Variants in ZNF675 observed in about 807,000 individuals in gnomAD.
ZNF675 encodes the protein zinc finger protein 675, also known as TRAF6 inhibitory zinc finger.
In ZNF675, 36 loss-of-function variants were observed where a neutral mutation model predicts 56.1. That is an observed-to-expected ratio of 0.64 (90% CI 0.49 to 0.85). The LOEUF is 0.85. ZNF675 is among the 40% of genes least tolerant of loss of function. The pLI is 0.00. For synonymous variants in ZNF675, 200 were observed against 218.9 expected (o/e 0.91, Z 0.76); for missense variants, 663 against 654.2 (o/e 1.01, Z -0.15).
Position 23,682,186 on chromosome 19 carries a change from C to T in ZNF675, c.3+4845G>A, listed in dbSNP as rs140348861. 8.8e-3 allele frequency among the ~76,000 whole-genome samples: 1,340 copies of T among 151,880 alleles called. 8 individuals carry two copies. Among genetic ancestry groups the T allele is most frequent in the Middle Eastern group, 0.034 (10 of 294 alleles). ...AACTTTGAGCTACACTCAGTCTGAGCCAACATACAACCCCATTTTATGTTC... is the reference window on the plus strand; with the variant it reads ...AACTTTGAGCTACACTCAGTCTGAGTCAACATACAACCCCATTTTATGTTC... On this transcript the variant is annotated intron_variant, in intron 1 of 3. Coordinates refer to ENST00000359788, the MANE Select transcript of ZNF675 (RefSeq NM_138330.3).
At position 23,653,786 on chromosome 19, in the gene ZNF675, G is replaced by A; in HGVS notation, c.1147C>T (p.Leu383Phe). The change falls in exon 4 of 4, where the codon CTT (leucine) becomes TTT (phenylalanine). Residue 383 changes from leucine (L) to phenylalanine (F), a missense_variant. Coordinates refer to ENST00000359788, the MANE Select transcript of ZNF675 (RefSeq NM_138330.3). The stretch of plus-strand genomic sequence containing the variant: ...GTATGAATTTTCCTATGTTCCGTAA[G>A]ATTTGAGGATCGGTTAAAAGCTTTG... ...CGKAFNRSSN[L>F]TEHRKIHTEE... is the part of the protein sequence containing the mutation. 2 of 1,613,878 alleles carry A rather than the reference G, an allele frequency of 1.2e-6. No homozygotes were observed. Among genetic ancestry groups the A allele is most frequent in the Non-Finnish European group, 1.7e-6 (2 of 1,179,946 alleles).
intron 3 of ZNF675, chr19:23,657,110 A>AT (rs1452389155): frequency 6.6e-6 from 1 of 151,974 alleles, no homozygotes; most frequent in East Asian, 1.9e-4. Flanking sequence ...ATTTTTAAAA[A>AT]TTTTTTGTAG....
Position 23,653,722 on chromosome 19 carries a change from G to A in ZNF675, c.1211C>T (p.Ala404Val), listed in dbSNP as rs763855760. The part of the protein sequence containing the change: ...KPYKCKECGK[A>V]FKHSSALTTH... ...AGTAAGGGCTGAGGAGTGTTTAAAA[G>A]CTTTGCCACATTCTTTACATTTGTA... The change falls in exon 4 of 4, where the codon GCT becomes GTT. Residue 404 changes from alanine to valine, a missense_variant. Ala to Val is a moderately conservative substitution (Grantham distance 64). Coordinates refer to ENST00000359788, the MANE Select transcript of ZNF675 (RefSeq NM_138330.3). 2 of 1,613,798 alleles carry A rather than the reference G, an allele frequency of 1.2e-6. No individual in the cohort carries two copies. Among genetic ancestry groups the A allele is most frequent in the Admixed American group, 3.3e-5 (2 of 59,996 alleles).
At chr19:23,660,695 C>T (rs919548605) in intron 3 of ZNF675, among the ~76,000 whole-genome samples, 1 of 151,984 alleles carries the variant, frequency 6.6e-6, no homozygotes, top group Non-Finnish European at 1.5e-5. Flanking sequence ...TTAGAAAAGA[C>T]ATAAATAAAC....
chr19:23,687,188 C>G lies in ZNF675; in HGVS notation c.-155G>C. 1 of 887,824 alleles carries G rather than the reference C, an allele frequency of 1.1e-6. No individual in the cohort carries two copies. The highest frequency in any genetic ancestry group is 1.5e-5 in the South Asian group (1 of 68,278). The allele number at this position is 887,824 out of a possible 1,614,324, so 55.0% of individuals were successfully genotyped here. On this transcript the variant is annotated 5_prime_UTR_variant, in exon 1 of 4. Coordinates refer to ENST00000359788, the MANE Select transcript of ZNF675 (RefSeq NM_138330.3). ...GCTGCAGCGAGAGACAAAGGCGCCG[C>G]CAAATCCCGGAAGCCATCTTGTCTG... is the stretch of plus-strand genomic sequence containing the variant.
chr19:23,678,470 C>G (rs572782290), intron 1 of ZNF675, among the ~76,000 whole-genome samples: 1 of 148,282 alleles, frequency 6.7e-6, no homozygotes, highest in African/African-American at 2.6e-5. Flanking sequence ...AGGCTGGTCT[C>G]GAACCCCTGA....
At chr19:23,685,292 G>C (rs948395043) in intron 1 of ZNF675, among the ~76,000 whole-genome samples, 2 of 152,202 alleles carry the variant, frequency 1.3e-5, no homozygotes, top group Admixed American at 1.3e-4. Context: ...AAGAGCGCAG[G>C]GGAGAGTCCT....
At chr19:23,656,641 C>G (rs970793129) in intron 3 of ZNF675, 1 of 152,046 alleles carries the variant, frequency 6.6e-6, no homozygotes, top group Non-Finnish European at 1.5e-5. Flanking sequence ...CACACACACA[C>G]ACACACACAC....
intron 3 of ZNF675, 56 bp downstream of exon 3, chr19:23,662,058 G>A (rs922334903): frequency 7.8e-7 from 1 of 1,273,926 alleles, no homozygotes; most frequent in African/African-American, 1.5e-5. Flanking sequence ...CTTTCTCTTT[G>A]ACCTTTGGAC....
intron 1 of ZNF675, among the ~76,000 whole-genome samples, chr19:23,684,912 T>C (rs1287435717): frequency 6.6e-6 from 1 of 152,228 alleles, no homozygotes; most frequent in Admixed American, 6.5e-5. Flanking sequence ...TCTGTGTTTT[T>C]CCCTCAATAC....
intron 1 of ZNF675, among the ~76,000 whole-genome samples, chr19:23,677,390 T>G (rs1477182604): frequency 6.6e-6 from 1 of 151,504 alleles, no homozygotes; most frequent in East Asian, 1.9e-4. Context: ...ATCAACCATA[T>G]CCAAAGCAAA....
chr19:23,685,183 GC>G (rs1663731201), intron 1 of ZNF675, among the ~76,000 whole-genome samples: 1 of 151,976 alleles, frequency 6.6e-6, no homozygotes, highest in Non-Finnish European at 1.5e-5. Context: ...CAGGCTGGTC[GC>G]GAACTCCTGA....
At chr19:23,666,766 TTC>T (rs377116111) in intron 1 of ZNF675, among the ~76,000 whole-genome samples, 2 of 99,316 alleles carry the variant, frequency 2.0e-5, no homozygotes, top group African/African-American at 6.1e-5. Flanking sequence ...AGGGAAGTCT[TTC>T]TCTCTTTTTC....
intron 1 of ZNF675, among the ~76,000 whole-genome samples, chr19:23,668,643 T>C (rs1452411848): frequency 6.6e-6 from 1 of 152,212 alleles, no homozygotes; most frequent in Non-Finnish European, 1.5e-5. Flanking sequence ...GACTCAGGCA[T>C]GGCAGACTGC....
chr19:23,664,076 G>T (rs1480339129), intron 1 of ZNF675, among the ~76,000 whole-genome samples: 5 of 152,100 alleles, frequency 3.3e-5, no homozygotes, highest in Non-Finnish European at 5.9e-5. Flanking sequence ...GTTTTTATAA[G>T]TAGTTAAAAC....
intron 3 of ZNF675, 46 bp from the exon 4 acceptor site, chr19:23,654,752 T>C (rs1204205729): frequency 2.1e-6 from 3 of 1,430,022 alleles, no homozygotes; most frequent in Non-Finnish European, 2.8e-6. Flanking sequence ...CTCAGATAAA[T>C]ATACTTTCCA....
chr19:23,673,775 G>A lies in ZNF675; in HGVS notation c.4-10617C>T, dbSNP rs566960962. Among the ~76,000 whole-genome samples the A allele has an allele frequency of 7.4e-4, 113 of 152,242 alleles. 1 individual carries two copies. The highest frequency in any genetic ancestry group is 2.5e-3 in the African/African-American group (103 of 41,538). On this transcript the variant is annotated intron_variant, in intron 1 of 3. Transcript: ENST00000359788. Reference sequence around the variant, plus strand: ...GATAGGTGGAGCAAGCCACCATGGTGCATGTATACCTGTGTAACAAACCTG... The same window carrying A: ...GATAGGTGGAGCAAGCCACCATGGTACATGTATACCTGTGTAACAAACCTG...
intron 3 of ZNF675, chr19:23,656,274 A>C (rs1310867521): frequency 6.6e-6 from 1 of 152,220 alleles, no homozygotes; most frequent in Non-Finnish European, 1.5e-5. Flanking sequence ...TGTCAATGCA[A>C]CCAAAAGTGG....
chr19:23,681,429 C>G (rs989118148), intron 1 of ZNF675, among the ~76,000 whole-genome samples: 2 of 151,500 alleles, frequency 1.3e-5, no homozygotes, highest in African/African-American at 4.9e-5. Context: ...TCAGTCCTCC[C>G]TCACCCTTGG....
Sources: allele counts gnomAD v4.1 joint callset (sites outside exome capture counted in the v4.1 genomes callset), GRCh38; gene constraint gnomAD v4.1.1; transcripts MANE v1.5; gene names NCBI Gene and HGNC (gene_info 2026-07-23, HGNC 2026-07-21).